Variants in SLC4A4 observed in about 807,000 individuals in gnomAD.
SLC4A4 encodes electrogenic sodium bicarbonate cotransporter 1.
In SLC4A4, 27 loss-of-function variants were observed where a neutral mutation model predicts 111.5. That is an observed-to-expected ratio of 0.24 (90% CI 0.18 to 0.33). The LOEUF (loss-of-function observed/expected upper bound fraction) is 0.33. Among genes scored for constraint, SLC4A4 ranks in the 10% least tolerant of loss-of-function variants. SLC4A4 has a pLI of 1.00. For synonymous variants in SLC4A4, 443 were observed against 463.4 expected, an observed-to-expected ratio of 0.96 and a Z score of 0.57; for missense variants, 909 against 1,315.5, an observed-to-expected ratio of 0.69 and a Z score of 4.78.
chr4:71,083,556 T>C (rs1412075198), intron 1 of SLC4A4, among the ~76,000 whole-genome samples: 3 of 152,010 alleles, frequency 2.0e-5, no homozygotes, highest in Admixed American at 6.6e-5. Flanking sequence ...AATAAACTGA[T>C]ACCTGAAGTG....
intron 1 of SLC4A4, among the ~76,000 whole-genome samples, chr4:71,206,450 T>C (rs1262408686): frequency 1.3e-5 from 2 of 152,192 alleles, no homozygotes; most frequent in African/African-American, 4.8e-5. Flanking sequence ...TTAAGAATTA[T>C]TGGCTTATAA....
intron 1 of SLC4A4, chr4:71,236,121 G>T (rs973397299): frequency 9.7e-7 from 1 of 1,034,912 alleles, no homozygotes. Flanking sequence ...ATGTGTGTGT[G>T]TGTGAGGGTA....
At chr4:71,564,194 G>A (rs1027281160) in intron 24 of SLC4A4, among the ~76,000 whole-genome samples, 4 of 149,078 alleles carry the variant, frequency 2.7e-5, no homozygotes, top group African/African-American at 9.9e-5. Context: ...TTTTCTGTTG[G>A]TATTGAGAAT....
chr4:71,089,554 G>T (rs1053000277), intron 1 of SLC4A4, among the ~76,000 whole-genome samples: 6 of 151,950 alleles, frequency 3.9e-5, no homozygotes, highest in African/African-American at 1.5e-4. Flanking sequence ...TTTGATGATG[G>T]TGACGTACAG....
intron 3 of SLC4A4, among the ~76,000 whole-genome samples, chr4:71,310,208 T>C (rs1429480012): frequency 3.9e-5 from 6 of 152,144 alleles, no homozygotes; most frequent in South Asian, 4.2e-4. Flanking sequence ...CTATGATTGA[T>C]TGGGGTCCCT....
At chr4:71,432,678 T>C (rs1723748842) in intron 7 of SLC4A4, among the ~76,000 whole-genome samples, 1 of 152,082 alleles carries the variant, frequency 6.6e-6, no homozygotes, top group African/African-American at 2.4e-5. Flanking sequence ...TTCTTAGCCC[T>C]AAGTTCCTTG....
At chr4:71,505,919 T>C (rs1731378240) in intron 16 of SLC4A4, among the ~76,000 whole-genome samples, 1 of 152,160 alleles carries the variant, frequency 6.6e-6, no homozygotes, top group Non-Finnish European at 1.5e-5. Context: ...GGCTAGCTAG[T>C]TCTCTTGGCA....
In SLC4A4 at chr4:71,466,554, G is replaced by A. The variant is rs1208088092; in HGVS notation, c.1608G>A (p.Glu536=). 2 of 1,613,460 alleles carry A rather than the reference G, an allele frequency of 1.2e-6. No individual in the cohort carries two copies. Among genetic ancestry groups the A allele is most frequent in the South Asian group, 2.2e-5 (2 of 91,076 alleles). Residue 536 remains glutamate (E), a synonymous_variant, in exon 13 of 26, where the codon GAG becomes GAA. Transcript: ENST00000264485. ...GCACCGGACCTGTCCTAGTTTTTGA[G>A]AGGCTTCTATTTAATTTCAGCAAGT... ...LSSTGPVLVF[E]RLLFNFSKDN...
intron 2 of SLC4A4, among the ~76,000 whole-genome samples, chr4:71,251,467 A>T (rs566506896): frequency 6.6e-6 from 1 of 152,244 alleles, no homozygotes; most frequent in Non-Finnish European, 1.5e-5. Context: ...TACCCAGGAA[A>T]GCCATGTTTT....
chr4:71,326,486 T>C (rs1338212319), intron 3 of SLC4A4, among the ~76,000 whole-genome samples: 1 of 152,004 alleles, frequency 6.6e-6, no homozygotes, highest in African/African-American at 2.4e-5. Context: ...TTGGGGTGCC[T>C]GTGAATCATT....
At position 71,555,129 on chromosome 4, in the gene SLC4A4, T is replaced by C. The variant is rs1560617163; in HGVS notation, c.2695-11T>C. On this transcript the variant is annotated splice_polypyrimidine_tract_variant and intron_variant, in intron 20 of 25. Transcript: ENST00000264485. ...ATCATTTTTAAGTTGTATCCATTTT[T>C]TTCCTTCTAGTTTATACCCATGCCT... is the stretch of plus-strand genomic sequence containing the variant. The C allele has an allele frequency of 6.3e-7, 1 of 1,587,458 alleles. No individual in the cohort carries two copies. The highest frequency in any genetic ancestry group is 2.2e-5 in the East Asian group (1 of 44,584).
chr4:71,569,623 A>G lies in SLC4A4; in HGVS notation c.*1872A>G, dbSNP rs1208936730. On this transcript the variant is annotated 3_prime_UTR_variant, in exon 26 of 26. Coordinates refer to ENST00000264485, the MANE Select transcript of SLC4A4 (RefSeq NM_001098484.3). ...TCAGATTCATATAACCACAACTGTG[A>G]TATATCCTAACTATAACCAGTTGTT... 2.6e-5 allele frequency: 4 copies of G among 151,744 alleles called. No individual in the cohort carries two copies. The highest frequency in any genetic ancestry group is 4.1e-4 in the South Asian group (2 of 4,822). The allele number at this position is 151,744 out of a possible 1,614,324, so 9.4% of individuals were successfully genotyped here. A position where few individuals can be genotyped will look rare whatever the true frequency, so the allele number is the denominator to read the frequency against.
At chr4:71,451,357 C>G in intron 11 of SLC4A4, 56 bp downstream of exon 11, 1 of 1,108,850 alleles carries the variant, frequency 9.0e-7, no homozygotes, top group South Asian at 1.2e-5. Flanking sequence ...ATGTAAATTT[C>G]CCTTCATCTA....
In SLC4A4 at chr4:71,555,212, A is replaced by G. The variant is rs1375834327; in HGVS notation, c.2763+4A>G. The G allele has an allele frequency of 1.9e-6, 3 of 1,594,198 alleles. No homozygotes were observed. The highest frequency in any genetic ancestry group is 2.2e-5 in the East Asian group (1 of 44,618). On this transcript the variant is annotated splice_donor_region_variant and intron_variant, in intron 21 of 25. Coordinates refer to ENST00000264485, the MANE Select transcript of SLC4A4 (RefSeq NM_001098484.3). ...AGCATCCCTTAATGGTGTGCAGGTA[A>G]GTTTTTGAATAGCAATGTAAGTACA...
intron 2 of SLC4A4, among the ~76,000 whole-genome samples, chr4:71,178,699 T>G (rs1238836532): frequency 6.6e-6 from 1 of 152,102 alleles, no homozygotes; most frequent in Admixed American, 6.5e-5. Flanking sequence ...GCTCTGAAAT[T>G]GAGGCACTAA....
chr4:71,481,031 ATT>A (rs1224837212), intron 14 of SLC4A4, among the ~76,000 whole-genome samples: 1 of 151,692 alleles, frequency 6.6e-6, no homozygotes, highest in Non-Finnish European at 1.5e-5. Flanking sequence ...TGTGTTTACA[ATT>A]TTGCCTACAC....
chr4:71,461,990 G>T, intron 12 of SLC4A4, among the ~76,000 whole-genome samples: 1 of 152,106 alleles, frequency 6.6e-6, no homozygotes, highest in East Asian at 1.9e-4. Flanking sequence ...GGGAAATACT[G>T]TAGACCTAAA....
chr4:71,539,421 G>A (rs1229260941), intron 18 of SLC4A4, among the ~76,000 whole-genome samples: 1 of 151,986 alleles, frequency 6.6e-6, no homozygotes, highest in Non-Finnish European at 1.5e-5. Context: ...AGAGTACCAC[G>A]ACCTAAGTTT....
chr4:71,350,560 A>G (rs997189638), intron 5 of SLC4A4, among the ~76,000 whole-genome samples: 2 of 152,008 alleles, frequency 1.3e-5, no homozygotes, highest in Non-Finnish European at 2.9e-5. Context: ...AGATGCATGA[A>G]AAGTGTGGGG....
Sources: gnomAD v4.1 joint callset for allele counts (sites outside exome capture counted in the v4.1 genomes callset) on GRCh38, gnomAD v4.1.1 for gene constraint, MANE v1.5 for transcripts, NCBI Gene and HGNC (gene_info 2026-07-23, HGNC 2026-07-21) for gene names.